The following DPCD variants were observed in gnomAD, a reference collection of about 807,000 sequenced individuals.
The protein encoded by DPCD is deleted in primary ciliary dyskinesia homolog (mouse).
In DPCD, 20 loss-of-function variants were observed where a neutral mutation model predicts 26.4. The ratio of observed to expected loss-of-function variants is 0.76; its 90% confidence interval spans 0.53 to 1.10. The LOEUF (loss-of-function observed/expected upper bound fraction) is 1.10. Among genes scored for constraint, DPCD ranks in the 50% least tolerant of loss-of-function variants. The pLI is 0.00. For synonymous variants in DPCD, 97 were observed against 94.2 expected (o/e 1.03, Z -0.17); for missense variants, 202 against 253.9 (o/e 0.80, Z 1.39).
In DPCD at chr10:101,596,938, G is replaced by A. The variant is rs184290714; in HGVS notation, c.145+2200G>A. ...GAGGAAGAATTGCCAATAGGTGTGC[G>A]TCAGTCTGGGACAGAGTTCCTCCCG... On this transcript the variant is annotated intron_variant, in intron 2 of 5. Transcript: ENST00000370151. Among the ~76,000 whole-genome samples the A allele has an allele frequency of 2.6e-4, 39 of 152,288 alleles. 1 individual carries two copies. The East Asian group carries it at 6.6e-3, about 26-fold the overall frequency.
intron 1 of DPCD, chr10:101,588,792 G>A (rs2063533839): frequency 1.7e-6 from 1 of 593,058 alleles, no homozygotes. Flanking sequence ...AGTTCCGACT[G>A]TGCCATTAAT....
chr10:101,591,362 G>A (rs985822259), intron 1 of DPCD, among the ~76,000 whole-genome samples: 2 of 152,140 alleles, frequency 1.3e-5, no homozygotes, highest in African/African-American at 4.8e-5. Flanking sequence ...TTATCAGCCA[G>A]GATTTTGTTA....
At chr10:101,605,245 A>G (rs978954266) in intron 4 of DPCD, 13 of 1,548,602 alleles carry the variant, frequency 8.4e-6, no homozygotes, top group Non-Finnish European at 1.1e-5. Context: ...GATTGTCCAC[A>G]GCAGCCCTGC....
intron 4 of DPCD, among the ~76,000 whole-genome samples, chr10:101,607,539 C>CCGAGAGTT (rs1229105734): frequency 6.6e-6 from 1 of 152,132 alleles, no homozygotes; most frequent in Non-Finnish European, 1.5e-5. Flanking sequence ...GAGAGGGGCC[C>CCGAGAGTT]CGAGAGCCTC....
At chr10:101,595,088 T>A (rs908780127) in intron 2 of DPCD, among the ~76,000 whole-genome samples, 3 of 152,164 alleles carry the variant, frequency 2.0e-5, no homozygotes, top group Non-Finnish European at 4.4e-5. Context: ...TCACAATTTG[T>A]TTTTCCTTGT....
chr10:101,607,351 C>T (rs1163779674), intron 4 of DPCD, among the ~76,000 whole-genome samples: 6 of 152,350 alleles, frequency 3.9e-5, no homozygotes, highest in Middle Eastern at 3.4e-3. Flanking sequence ...GCATTCCATC[C>T]CCGGTTTGCA....
chr10:101,598,799 T>C (rs1421429040), intron 2 of DPCD, among the ~76,000 whole-genome samples: 1 of 152,076 alleles, frequency 6.6e-6, no homozygotes, highest in South Asian at 2.1e-4. Flanking sequence ...TAATGTTTTA[T>C]TTTTAGTAGA....
Position 101,609,494 on chromosome 10 carries a change from C to T in DPCD, c.*23C>T. The stretch of plus-strand genomic sequence containing the variant: ...TAGTTGGCCCCTGAGCCTTATACCT[C>T]CACCACAGGGGGTGCCGTGAGACTT... On this transcript the variant is annotated 3_prime_UTR_variant, in exon 6 of 6. Coordinates refer to ENST00000370151, the MANE Select transcript of DPCD (RefSeq NM_015448.3). The T allele has an allele frequency of 6.2e-7, 1 of 1,604,464 alleles. No homozygotes were observed. Among genetic ancestry groups the T allele is most frequent in the Non-Finnish European group, 8.5e-7 (1 of 1,172,694 alleles).
chr10:101,605,418 G>A (rs2134779916), intron 4 of DPCD, among the ~76,000 whole-genome samples: 1 of 152,306 alleles, frequency 6.6e-6, no homozygotes, highest in African/African-American at 2.4e-5. Context: ...GTCAAACAGG[G>A]AGAAGACAGG....
At chr10:101,588,637 C>G in intron 1 of DPCD, 1 of 1,352,014 alleles carries the variant, frequency 7.4e-7, no homozygotes, top group Non-Finnish European at 9.5e-7. Context: ...ATTTCTGTTG[C>G]TAATATAGTA....
At chr10:101,601,159 C>T (rs2063695077) in intron 3 of DPCD, 44 bp from the exon 4 acceptor site, 1 of 1,611,252 alleles carries the variant, frequency 6.2e-7, no homozygotes. Context: ...GTGGAGCCTT[C>T]CCTTCCCCAG....
intron 2 of DPCD, among the ~76,000 whole-genome samples, chr10:101,599,946 A>G (rs918724294): frequency 1.3e-5 from 2 of 152,206 alleles, no homozygotes; most frequent in African/African-American, 4.8e-5. Flanking sequence ...TGAAAATGAA[A>G]ATCTCAGCAG....
Position 101,588,367 on chromosome 10 carries a change from C to A in DPCD, c.31C>A (p.Arg11=). MAVTGWLESL[R]TAQKTALLQD... ...GGTGACGGGCTGGTTGGAGAGTCTG[C>A]GGACAGCCCAGAAGACTGCGCTGCT... is the stretch of plus-strand genomic sequence containing the variant. The change falls in exon 1 of 6, where the codon CGG becomes AGG. Residue 11 remains arginine (R), a synonymous_variant. Transcript: ENST00000370151. 1.3e-6 allele frequency: 2 copies of A among 1,597,796 alleles called. No individual in the cohort carries two copies. The highest frequency in any genetic ancestry group is 1.7e-6 in the Non-Finnish European group (2 of 1,170,176).
At chr10:101,598,219 C>A (rs1051771117) in intron 2 of DPCD, among the ~76,000 whole-genome samples, 1 of 151,910 alleles carries the variant, frequency 6.6e-6, no homozygotes, top group African/African-American at 2.4e-5. Context: ...CCCATTTTAG[C>A]AAGGCCCATG....
chr10:101,605,325 G>T, intron 4 of DPCD: 1 of 1,459,780 alleles, frequency 6.9e-7, no homozygotes, highest in Non-Finnish European at 9.1e-7. Context: ...TGGGTTGAAA[G>T]GCTGGATTGG....
intron 5 of DPCD, 189 bp from the exon 6 acceptor site, chr10:101,609,178 G>A: frequency 1.5e-6 from 1 of 658,646 alleles, no homozygotes; most frequent in Non-Finnish European, 2.6e-6. Context: ...GGAAATTGCT[G>A]AACTTGGGTT....
chr10:101,593,607 T>A (rs894058495), intron 1 of DPCD, among the ~76,000 whole-genome samples: 5 of 152,018 alleles, frequency 3.3e-5, no homozygotes, highest in Admixed American at 2.0e-4. Context: ...TCTTTTTTTT[T>A]AGACAGAGTC....
At chr10:101,602,913 C>G (rs1223137080) in intron 4 of DPCD, among the ~76,000 whole-genome samples, 1 of 152,256 alleles carries the variant, frequency 6.6e-6, no homozygotes, top group Non-Finnish European at 1.5e-5. Context: ...CCAAAAAATT[C>G]ATCTGCCAGC....
intron 4 of DPCD, among the ~76,000 whole-genome samples, chr10:101,608,598 C>T (rs1479318410): frequency 6.6e-6 from 1 of 152,206 alleles, no homozygotes; most frequent in Non-Finnish European, 1.5e-5. Flanking sequence ...GGTCTAATCA[C>T]AGAATTATAA....
Sources: gnomAD v4.1 joint callset for allele counts (sites outside exome capture counted in the v4.1 genomes callset) on GRCh38, gnomAD v4.1.1 for gene constraint, MANE v1.5 for transcripts, NCBI Gene and HGNC (gene_info 2026-07-23, HGNC 2026-07-21) for gene names.